Variants in ASTN2 observed in about 807,000 individuals in gnomAD.
ASTN2 encodes astrotactin-2.
A neutral mutation model predicts 139.8 loss-of-function variants in ASTN2; 54 were observed. The observed-to-expected ratio is 0.39, with a 90% confidence interval of 0.31 to 0.48. ASTN2 has a LOEUF of 0.48. Among genes scored for constraint, ASTN2 ranks in the 20% least tolerant of loss-of-function variants. The pLI is 0.95. For missense variants in ASTN2, 1,565 were observed against 1,725.1 expected (o/e 0.91, Z 1.64); for synonymous variants, 756 against 719.5 (o/e 1.05, Z -0.81).
chr9:117,041,647 C>T (rs986422447), intron 5 of ASTN2, among the ~76,000 whole-genome samples: 2 of 152,176 alleles, frequency 1.3e-5, no homozygotes, highest in Non-Finnish European at 2.9e-5. Flanking sequence ...AGCTGTTTTA[C>T]AGCATCTGGT....
chr9:117,074,719 T>C (rs756564451), intron 5 of ASTN2, among the ~76,000 whole-genome samples: 68 of 152,212 alleles, frequency 4.5e-4, no homozygotes, highest in Non-Finnish European at 8.1e-4. Context: ...CTAAGGGCTG[T>C]GTATACAATA....
chr9:116,451,445 C>T (rs1229979419), intron 20 of ASTN2, among the ~76,000 whole-genome samples: 2 of 135,444 alleles, frequency 1.5e-5, no homozygotes, highest in Admixed American at 1.4e-4. Context: ...ACGGAAGAAA[C>T]ACCCATAAAA....
At chr9:116,808,578 G>A (rs1831089112) in intron 12 of ASTN2, among the ~76,000 whole-genome samples, 1 of 152,056 alleles carries the variant, frequency 6.6e-6, no homozygotes, top group African/African-American at 2.4e-5. Context: ...TTATTGATGG[G>A]CACTTTAGCT....
Position 116,425,866 on chromosome 9 carries a change from C to T in ASTN2, c.4005G>A (p.Glu1335=), listed in dbSNP as rs768209219. The change falls in exon 23 of 23, where the codon GAG becomes GAA. Residue 1335 remains glutamate (E), a synonymous_variant. Transcript: ENST00000313400. ...ATACCCTCCCTCACCGGCCCTTGGA[C>T]TCCCCGTACGTGTTTCGGGCCATTG... ...MVSMARNTYG[E]SKGR 3 of 1,614,174 alleles carry T rather than the reference C, an allele frequency of 1.9e-6. No individual in the cohort carries two copies. In the Admixed American group the frequency reaches 5.0e-5, roughly 27 times the overall value.
rs760280547 is a variant in ASTN2, at chr9:116,551,687, A to G, written c.3356-64187T>C. ...TCCTCCAGCACCCCCTACAACACAAACACACATCACTCATAACCCATGGAT... is the reference window on the plus strand; with the variant it reads ...TCCTCCAGCACCCCCTACAACACAAGCACACATCACTCATAACCCATGGAT... On this transcript the variant is annotated intron_variant, in intron 19 of 22. Transcript: ENST00000313400. 2.8e-4 allele frequency among the ~76,000 whole-genome samples: 42 copies of G among 152,136 alleles called. No individual in the cohort carries two copies. In the South Asian group the frequency reaches 2.9e-3, roughly 11 times the overall value.
chr9:116,825,590 A>C (rs186295987), intron 11 of ASTN2, among the ~76,000 whole-genome samples: 2 of 152,312 alleles, frequency 1.3e-5, no homozygotes, highest in African/African-American at 4.8e-5. Context: ...AGAAATGAGA[A>C]GCACCAGAAG....
intron 1 of ASTN2, among the ~76,000 whole-genome samples, chr9:117,387,752 C>T (rs547583336): frequency 2.6e-5 from 4 of 152,246 alleles, no homozygotes; most frequent in East Asian, 3.9e-4. Flanking sequence ...GAGAGAAATG[C>T]GGAGTCCTGA....
At chr9:116,457,719 T>G (rs1848374253) in intron 20 of ASTN2, among the ~76,000 whole-genome samples, 2 of 152,152 alleles carry the variant, frequency 1.3e-5, no homozygotes, top group South Asian at 4.2e-4. Flanking sequence ...GACAAAGATG[T>G]GGAGAAAGGG....
intron 2 of ASTN2, among the ~76,000 whole-genome samples, chr9:117,250,059 C>T (rs1165225663): frequency 6.6e-6 from 1 of 152,176 alleles, no homozygotes; most frequent in Non-Finnish European, 1.5e-5. Context: ...TTTCCATTGC[C>T]CACTGCCCCC....
At chr9:116,757,143 G>A (rs1326083725) in intron 13 of ASTN2, among the ~76,000 whole-genome samples, 2 of 152,166 alleles carry the variant, frequency 1.3e-5, no homozygotes, top group Admixed American at 1.3e-4. Context: ...AGGACTCCAA[G>A]CAGGTGGTGC....
intron 19 of ASTN2, among the ~76,000 whole-genome samples, chr9:116,513,867 T>G (rs1034980133): frequency 3.3e-5 from 5 of 152,060 alleles, no homozygotes; most frequent in African/African-American, 1.2e-4. Flanking sequence ...ATTTAAGGAC[T>G]TCTCTGCATT....
At chr9:116,610,686 A>C (rs192132133) in intron 19 of ASTN2, among the ~76,000 whole-genome samples, 42 of 152,344 alleles carry the variant, frequency 2.8e-4, no homozygotes, top group African/African-American at 9.9e-4. Flanking sequence ...TAGACAAAGT[A>C]GATTTCAGAA....
chr9:116,972,120 T>C (rs1159030212), intron 10 of ASTN2, among the ~76,000 whole-genome samples: 1 of 152,234 alleles, frequency 6.6e-6, no homozygotes, highest in Non-Finnish European at 1.5e-5. Flanking sequence ...CACTTGTAGT[T>C]CCCCATGTCA....
rs924014186 is a variant in ASTN2, at chr9:116,424,963, A to G, written c.*888T>C. On this transcript the variant is annotated 3_prime_UTR_variant, in exon 23 of 23. Coordinates refer to ENST00000313400, the MANE Select transcript of ASTN2 (RefSeq NM_001365068.1). The stretch of plus-strand genomic sequence containing the variant: ...CTTTGGGTTTAGGTATCACTTTTTC[A>G]AGGAAGCATTTCAGGAGCCCTCCAG... Among the ~76,000 whole-genome samples the G allele has an allele frequency of 6.6e-6, 1 of 152,016 alleles. No individual in the cohort carries two copies. The highest frequency in any genetic ancestry group is 1.5e-5 in the Non-Finnish European group (1 of 68,000).
At chr9:117,180,876 G>GT in intron 3 of ASTN2, 1 of 1,580,966 alleles carries the variant, frequency 6.3e-7, no homozygotes, top group Non-Finnish European at 8.6e-7. Flanking sequence ...CAGGAAACTT[G>GT]AACTTGGCCC....
intron 1 of ASTN2, among the ~76,000 whole-genome samples, chr9:117,412,880 C>T (rs959237729): frequency 1.3e-5 from 2 of 152,204 alleles, no homozygotes; most frequent in Non-Finnish European, 2.9e-5. Flanking sequence ...GGAACACCAC[C>T]TCCACCCTCC....
Position 117,114,992 on chromosome 9 carries a change from C to T in ASTN2, c.1169-18841G>A, listed in dbSNP as rs192412592. ...AGCCTTCAGATGACTACAGCCCCAC[C>T]TGGTGTTTGGCTACAACTATATGAG... On this transcript the variant is annotated intron_variant, in intron 4 of 22. Coordinates refer to ENST00000313400, the MANE Select transcript of ASTN2 (RefSeq NM_001365068.1). Among the ~76,000 whole-genome samples, 8 of 152,266 alleles carry T rather than the reference C, an allele frequency of 5.3e-5. No individual in the cohort carries two copies. The East Asian group carries it at 1.5e-3, about 29-fold the overall frequency.
At chr9:117,295,230 A>G (rs1834699169) in intron 1 of ASTN2, among the ~76,000 whole-genome samples, 1 of 152,120 alleles carries the variant, frequency 6.6e-6, no homozygotes. Context: ...GCAGAGGCCC[A>G]AGAATCGCTT....
intron 2 of ASTN2, among the ~76,000 whole-genome samples, chr9:117,225,760 A>G (rs1325065330): frequency 6.6e-6 from 1 of 151,570 alleles, no homozygotes; most frequent in Non-Finnish European, 1.5e-5. Context: ...TAATACAGGA[A>G]TAATGCCATT....
Sources: gnomAD v4.1 joint callset for allele counts (sites outside exome capture counted in the v4.1 genomes callset) on GRCh38, gnomAD v4.1.1 for gene constraint, MANE v1.5 for transcripts, NCBI Gene and HGNC (gene_info 2026-07-23, HGNC 2026-07-21) for gene names.